The following IFNAR2 variants were observed in gnomAD, a reference collection of about 807,000 sequenced individuals.
The protein encoded by IFNAR2 is interferon alpha/beta receptor 2.
A neutral mutation model predicts 49.4 loss-of-function variants in IFNAR2; 30 were observed. The observed-to-expected ratio is 0.61, with a 90% confidence interval of 0.45 to 0.82. The LOEUF (loss-of-function observed/expected upper bound fraction) is 0.82. Ranked by LOEUF, IFNAR2 falls within the 40% of genes least tolerant of loss-of-function variation. IFNAR2 has a pLI of 0.00. For missense variants in IFNAR2, 600 were observed against 622.7 expected, an observed-to-expected ratio of 0.96 and a Z score of 0.39; for synonymous variants, 224 against 234.5, an observed-to-expected ratio of 0.96 and a Z score of 0.41.
chr21:33,258,199 G>C (rs1305201003), intron 7 of IFNAR2, among the ~76,000 whole-genome samples: 9 of 152,134 alleles, frequency 5.9e-5, no homozygotes, highest in Non-Finnish European at 1.3e-4. Context: ...CAGCTACTTG[G>C]GAGGCTGAGG....
chr21:33,252,955 C>T, intron 7 of IFNAR2, 125 bp downstream of exon 7: 1 of 797,960 alleles, frequency 1.3e-6, no homozygotes, highest in African/African-American at 1.7e-5. Context: ...CCAGTAAACA[C>T]CTCACAGAGA....
At chr21:33,239,013 C>T (rs12482014) in intron 1 of IFNAR2, among the ~76,000 whole-genome samples, 42,593 of 152,052 alleles carry the variant, frequency 0.28, 6,724 homozygotes, top group East Asian at 0.58. Flanking sequence ...TAAGAAGCAA[C>T]GGTAGGGAAA....
Position 33,243,719 on chromosome 21 carries a change from GA to G in IFNAR2, c.97+6del. The G allele has an allele frequency of 1.9e-6, 3 of 1,611,146 alleles. No homozygotes were observed. Among genetic ancestry groups the G allele is most frequent in the Non-Finnish European group, 2.5e-6 (3 of 1,177,318 alleles). On this transcript the variant is annotated splice_donor_region_variant and intron_variant, in intron 3 of 8. Coordinates refer to ENST00000342136, the MANE Select transcript of IFNAR2 (RefSeq NM_001289125.3). ...GTATTTCATATGATTCGCCTGGTAA[GA>G]GATGTTTTTTGGCTTCACTAAATTT... is the stretch of plus-strand genomic sequence containing the variant.
At chr21:33,242,825 T>C (rs1173027656) in intron 2 of IFNAR2, among the ~76,000 whole-genome samples, 1 of 147,052 alleles carries the variant, frequency 6.8e-6, no homozygotes, top group East Asian at 2.1e-4. Context: ...AGTTTCACTC[T>C]GTTGCCCAGG....
At position 33,230,232 on chromosome 21, in the gene IFNAR2, G is replaced by A. The variant is rs1985937004; in HGVS notation, c.-84+16G>A. ...AGCTGCAAAGGTAACGCAGCGTGGC[G>A]GGGTCGCGGGAGCGGAGCGCGTGGC... On this transcript the variant is annotated intron_variant, in intron 1 of 8. Transcript: ENST00000342136. The surrounding 1 kb of genome is among the most constrained non-coding windows in gnomAD (Gnocchi z 5.5). 8.2e-6 allele frequency: 9 copies of A among 1,092,192 alleles called. 2 individuals carry two copies. In the South Asian group the frequency reaches 1.6e-4, roughly 20 times the overall value. The allele number at this position is 1,092,192 out of a possible 1,614,324, so 67.7% of individuals were successfully genotyped here. A position where few individuals can be genotyped will look rare whatever the true frequency, so the allele number is the denominator to read the frequency against.
intron 7 of IFNAR2, among the ~76,000 whole-genome samples, chr21:33,257,175 A>G (rs535323524): frequency 6.6e-6 from 1 of 152,288 alleles, no homozygotes; most frequent in South Asian, 2.1e-4. Context: ...GATCTATGGC[A>G]TGGCCTCCAG....
chr21:33,263,073 A>C lies in IFNAR2; in HGVS notation c.1121A>C (p.Asp374Ala). 6.2e-7 allele frequency: 1 copy of C among 1,614,114 alleles called. No individual in the cohort carries two copies. The highest frequency in any genetic ancestry group is 1.1e-5 in the South Asian group (1 of 91,082). ...GAGGAGCCTGACCTGCCTGAGGTTG[A>C]TGTGGAGCTCCCCACGATGCCAAAG... ...SEEEPDLPEV[D>A]VELPTMPKDS... The change falls in exon 9 of 9, where the codon GAT becomes GCT. Residue 374 changes from aspartate (D) to alanine (A), a missense_variant. Coordinates refer to ENST00000342136, the MANE Select transcript of IFNAR2 (RefSeq NM_001289125.3).
intron 1 of IFNAR2, among the ~76,000 whole-genome samples, chr21:33,240,199 C>T (rs1986818348): frequency 1.3e-5 from 2 of 152,202 alleles, no homozygotes; most frequent in Non-Finnish European, 1.5e-5. Context: ...AAAGATGGAC[C>T]TTTTATATGA....
At chr21:33,239,419 C>G (rs1003587660) in intron 1 of IFNAR2, among the ~76,000 whole-genome samples, 3 of 152,222 alleles carry the variant, frequency 2.0e-5, no homozygotes, top group African/African-American at 7.2e-5. Context: ...GCTTCTCTTC[C>G]CCCTCCGGCC....
At chr21:33,253,035 GAT>G (rs920151719) in intron 7 of IFNAR2, among the ~76,000 whole-genome samples, 1 of 152,168 alleles carries the variant, frequency 6.6e-6, no homozygotes, top group African/African-American at 2.4e-5. Flanking sequence ...AAAACAATCA[GAT>G]ACTACTCGAT....
At chr21:33,248,417 A>G (rs1011012612) in intron 5 of IFNAR2, among the ~76,000 whole-genome samples, 1 of 151,934 alleles carries the variant, frequency 6.6e-6, no homozygotes, top group Non-Finnish European at 1.5e-5. Context: ...AGAGAGAAAG[A>G]GAAAAGAAAG....
At chr21:33,253,391 A>C (rs1987994045) in intron 7 of IFNAR2, among the ~76,000 whole-genome samples, 1 of 152,204 alleles carries the variant, frequency 6.6e-6, no homozygotes, top group Non-Finnish European at 1.5e-5. Context: ...TGGAGTGAGA[A>C]CAATCAAGCC....
At chr21:33,260,933 T>C (rs1018841889) in intron 8 of IFNAR2, among the ~76,000 whole-genome samples, 4 of 152,050 alleles carry the variant, frequency 2.6e-5, no homozygotes, top group African/African-American at 9.7e-5. Flanking sequence ...ATTATACTTT[T>C]AAGTTTTAGG....
rs184042271 is a variant in IFNAR2 at position 33,263,734 on chromosome 21, G to A, written c.*234G>A. On this transcript the variant is annotated 3_prime_UTR_variant, in exon 9 of 9. Transcript: ENST00000342136. ...GTGGTGCACTTTGAAGGAAGCACAT[G>A]TGCACCTTTCCTTTACACTAATGCA... is the stretch of plus-strand genomic sequence containing the variant. The A allele has an allele frequency of 4.5e-5, 24 of 537,574 alleles. No individual in the cohort carries two copies. In the Admixed American group the frequency reaches 7.9e-4, roughly 18 times the overall value. The allele number at this position is 537,574 out of a possible 1,614,324, so 33.3% of individuals were successfully genotyped here.
In IFNAR2 at chr21:33,263,352, C is replaced by G; in HGVS notation, c.1400C>G (p.Ser467Ter). ...VDPEDPDNVQSNHLLASGEGT... is the reference protein window; with the variant it reads ...VDPEDPDNVQ ...CCAGAGGATCCTGATAATGTGCAAT[C>G]AAACCATTTGCTGGCCAGCGGGGAA... Residue 467 changes from serine to a stop codon, truncating the protein, a stop_gained, in exon 9 of 9, where the codon TCA becomes TGA. Transcript: ENST00000342136. LOFTEE classifies it high-confidence loss of function. 2 of 1,614,194 alleles carry G rather than the reference C, an allele frequency of 1.2e-6. No individual in the cohort carries two copies. The highest frequency in any genetic ancestry group is 1.7e-6 in the Non-Finnish European group (2 of 1,180,038).
intron 1 of IFNAR2, chr21:33,231,741 GT>G: frequency 1.1e-6 from 1 of 947,556 alleles, no homozygotes; most frequent in Non-Finnish European, 1.3e-6. Flanking sequence ...GTTTGGTTTG[GT>G]TTGGTTTGGT....
intron 1 of IFNAR2, among the ~76,000 whole-genome samples, chr21:33,236,301 C>T (rs977309043): frequency 6.6e-6 from 1 of 152,168 alleles, no homozygotes; most frequent in Non-Finnish European, 1.5e-5. Flanking sequence ...GACTTCTAGG[C>T]ATCCCCCTCC....
chr21:33,251,742 T>TA (rs1279592390), intron 6 of IFNAR2: 43 of 985,232 alleles, frequency 4.4e-5, no homozygotes, highest in South Asian at 2.3e-4. Context: ...TATCATCTTT[T>TA]AAATTCTGAA....
chr21:33,237,792 A>G (rs1036831969), intron 1 of IFNAR2, among the ~76,000 whole-genome samples: 3 of 152,196 alleles, frequency 2.0e-5, no homozygotes, highest in Admixed American at 2.0e-4. Flanking sequence ...CTCTAAGAGA[A>G]TACCCCAGGT....
Sources: allele counts gnomAD v4.1 joint callset (sites outside exome capture counted in the v4.1 genomes callset), GRCh38; gene constraint gnomAD v4.1.1; non-coding constraint Gnocchi (gnomAD v3.1); transcripts MANE v1.5; gene names NCBI Gene and HGNC (gene_info 2026-07-23, HGNC 2026-07-21).